Variants in CLEC12A observed in about 807,000 individuals in gnomAD.
CLEC12A encodes C-type lectin protein CLL-1.
In CLEC12A, 22 loss-of-function variants were observed where a neutral mutation model predicts 26.5. The observed-to-expected ratio is 0.83, with a 90% CI of 0.59 to 1.19. The LOEUF (loss-of-function observed/expected upper bound fraction) is 1.19. CLEC12A is among the 50% of genes most tolerant of loss of function. CLEC12A has a pLI of 0.00. For missense variants in CLEC12A, 353 were observed against 315.6 expected, an observed-to-expected ratio of 1.12 and a Z score of -0.90; for synonymous variants, 119 against 101.9, an observed-to-expected ratio of 1.17 and a Z score of -1.01.
At chr12:9,993,870 A>G (rs1264004394) in intron 4 of CLEC12A, among the ~76,000 whole-genome samples, 1 of 152,148 alleles carries the variant, frequency 6.6e-6, no homozygotes, top group Non-Finnish European at 1.5e-5. Flanking sequence ...GTTTATTTGG[A>G]GAATACCTGC....
the CLEC12A span, among the ~76,000 whole-genome samples, chr12:10,003,103 A>C: frequency 6.6e-6 from 1 of 152,212 alleles, no homozygotes; most frequent in South Asian, 2.1e-4. Flanking sequence ...GGTGATAGCT[A>C]TTCTGAGACT....
intron 1 of CLEC12A, among the ~76,000 whole-genome samples, chr12:9,962,888 G>A (rs949384846): frequency 3.9e-5 from 6 of 152,130 alleles, no homozygotes; most frequent in Non-Finnish European, 5.9e-5. Flanking sequence ...TGAAATAGTG[G>A]TAAAGTGTTG....
At chr12:9,960,740 G>A (rs997844705) in intron 1 of CLEC12A, among the ~76,000 whole-genome samples, 1 of 152,142 alleles carries the variant, frequency 6.6e-6, no homozygotes, top group African/African-American at 2.4e-5. Flanking sequence ...ACCCTGTCTG[G>A]TCTTAAAACT....
chr12:9,974,308 A>T (rs1864247609), intron 1 of CLEC12A, among the ~76,000 whole-genome samples: 1 of 152,120 alleles, frequency 6.6e-6, no homozygotes, highest in South Asian at 2.1e-4. Flanking sequence ...ACTCTACAAG[A>T]TGGAATACTC....
chr12:9,971,633 C>T lies in CLEC12A; in HGVS notation c.37C>T (p.Gln13Ter). ...AGTTACTTATGCAGATCTTCAATTCCAGAACTCCAGTGAGATGGAAAAAAT... is the reference window on the plus strand; with the variant it reads ...AGTTACTTATGCAGATCTTCAATTCTAGAACTCCAGTGAGATGGAAAAAAT... ...EEVTYADLQF[Q>*]NSSEMEKIPE... Residue 13 changes from glutamine to a stop codon, truncating the protein, a stop_gained, in exon 1 of 6, where the codon CAG becomes TAG. Transcript: ENST00000304361. LOFTEE classifies it high-confidence loss of function. 6.2e-7 allele frequency: 1 copy of T among 1,609,688 alleles called. No homozygotes were observed. The highest frequency in any genetic ancestry group is 8.5e-7 in the Non-Finnish European group (1 of 1,177,916).
chr12:9,996,511 G>C (rs143796415), downstream of CLEC12A, among the ~76,000 whole-genome samples: 1 of 150,508 alleles, frequency 6.6e-6, no homozygotes, highest in Non-Finnish European at 1.5e-5. Flanking sequence ...TGAGTCCACA[G>C]AAACAGTAAG....
At chr12:9,997,725 A>T (rs548260642), downstream of CLEC12A, among the ~76,000 whole-genome samples, 1 of 152,362 alleles carries the variant, frequency 6.6e-6, no homozygotes, top group African/African-American at 2.4e-5. Context: ...ATACAAGAGG[A>T]TAAATGTTAG....
At chr12:9,980,819 G>A in intron 4 of CLEC12A, 86 bp downstream of exon 4, 1 of 1,415,864 alleles carries the variant, frequency 7.1e-7, no homozygotes, top group Non-Finnish European at 9.7e-7. Context: ...TCATGATTCT[G>A]GTTTATTTCA....
chr12:9,980,640 C>G lies in CLEC12A; in HGVS notation c.438C>G (p.Phe146Leu). 6.2e-7 allele frequency: 1 copy of G among 1,613,810 alleles called. No homozygotes were observed. The highest frequency in any genetic ancestry group is 1.7e-5 in the Admixed American group (1 of 59,960). ...TTTGGCATAAGGACAGCTGTTATTT[C>G]CTAAGTGATGATGTCCAAACATGGC... is the stretch of plus-strand genomic sequence containing the variant. ...RWIWHKDSCYFLSDDVQTWQE... is the reference protein window; with the variant it reads ...RWIWHKDSCYLLSDDVQTWQE... Residue 146 changes from phenylalanine (F) to leucine (L), a missense_variant, in exon 4 of 6, where the codon TTC (phenylalanine) becomes TTG (leucine). Physicochemically the swap from Phe to Leu is conservative, Grantham distance 22 (BLOSUM62 0). Coordinates refer to ENST00000304361, the MANE Select transcript of CLEC12A (RefSeq NM_138337.6).
chr12:9,951,343 C>A lies in CLEC12A; in HGVS notation c.-4C>A, dbSNP rs910122216. 5.7e-6 allele frequency: 4 copies of A among 702,878 alleles called. No individual in the cohort carries two copies. In the African/African-American group the frequency reaches 7.0e-5, roughly 12 times the overall value. The allele number at this position is 702,878 out of a possible 1,614,324, so 43.5% of individuals were successfully genotyped here. On this transcript the variant is annotated 5_prime_UTR_variant, in exon 1 of 7. Transcript: ENST00000355690. ...AAGAACAGCCTTTCAAATTTGACTTCTGCATGTGGATAGGTGAGTGTCTTT... is the reference window on the plus strand; with the variant it reads ...AAGAACAGCCTTTCAAATTTGACTTATGCATGTGGATAGGTGAGTGTCTTT...
intron 4 of CLEC12A, among the ~76,000 whole-genome samples, chr12:9,993,990 G>A (rs993080864): frequency 1.3e-5 from 2 of 151,980 alleles, no homozygotes; most frequent in Non-Finnish European, 2.9e-5. Context: ...GGGCGATACC[G>A]GTAAGAAGCC....
downstream of CLEC12A, chr12:9,986,103 C>T: frequency 2.2e-6 from 1 of 454,448 alleles, no homozygotes; most frequent in Non-Finnish European, 4.4e-6. Flanking sequence ...CAGTGGGATG[C>T]CAAAATGACG....
downstream of CLEC12A, among the ~76,000 whole-genome samples, chr12:9,988,112 G>A (rs1864812402): frequency 6.6e-6 from 1 of 152,118 alleles, no homozygotes; most frequent in African/African-American, 2.4e-5. Context: ...GGAGTGATAT[G>A]GTTTGGCTGT....
At chr12:9,994,827 A>ATG (rs1864993100) in intron 4 of CLEC12A, among the ~76,000 whole-genome samples, 1 of 140,026 alleles carries the variant, frequency 7.1e-6, no homozygotes, top group South Asian at 2.3e-4. Context: ...ACACATGTGC[A>ATG]TGCGCGCACA....
downstream of CLEC12A, chr12:9,999,101 G>A (rs1307121965): frequency 1.9e-6 from 3 of 1,604,196 alleles, no homozygotes; most frequent in Admixed American, 1.7e-5. Context: ...CATCCTGCAT[G>A]GCTTCCCGAG....
At chr12:9,969,017 T>C (rs1430176160), upstream of CLEC12A, among the ~76,000 whole-genome samples, 1 of 152,152 alleles carries the variant, frequency 6.6e-6, no homozygotes, top group Non-Finnish European at 1.5e-5. Flanking sequence ...AAATATCACA[T>C]GTTTCCACTC....
the CLEC12A span, among the ~76,000 whole-genome samples, chr12:10,002,721 C>T: frequency 1.3e-5 from 2 of 152,070 alleles, no homozygotes; most frequent in Non-Finnish European, 2.9e-5. Flanking sequence ...GGATTACAGG[C>T]GTGAGCCACC....
intron 1 of CLEC12A, among the ~76,000 whole-genome samples, chr12:9,977,090 C>G (rs1864368949): frequency 6.6e-6 from 1 of 152,162 alleles, no homozygotes; most frequent in Admixed American, 6.5e-5. Flanking sequence ...CATGCTAACC[C>G]TAAAGATGGT....
At chr12:9,981,330 T>C (rs548305918) in intron 4 of CLEC12A, among the ~76,000 whole-genome samples, 1 of 152,330 alleles carries the variant, frequency 6.6e-6, no homozygotes, top group South Asian at 2.1e-4. Flanking sequence ...AAATAATGTT[T>C]CCATGTTACA....
Sources: gnomAD v4.1 joint callset for allele counts (sites outside exome capture counted in the v4.1 genomes callset) on GRCh38, gnomAD v4.1.1 for gene constraint, MANE v1.5 for transcripts, NCBI Gene and HGNC (gene_info 2026-07-23, HGNC 2026-07-21) for gene names.